Variants in OLA1 observed in about 807,000 individuals in gnomAD.
OLA1 encodes Obg like ATPase 1.
Under a neutral mutation model 48.4 loss-of-function variants are expected in OLA1, and 14 were observed. The ratio of observed to expected loss-of-function variants is 0.29; its 90% CI spans 0.19 to 0.45. OLA1 has a LOEUF of 0.45. Among genes scored for constraint, OLA1 ranks in the 20% least tolerant of loss-of-function variants. The pLI is 1.00. For missense variants in OLA1, 325 were observed against 467.1 expected (o/e 0.70, Z 2.80); for synonymous variants, 127 against 150.4 (o/e 0.84, Z 1.14).
chr2:174,166,328 A>T (rs1687164092), intron 4 of OLA1, among the ~76,000 whole-genome samples: 1 of 152,062 alleles, frequency 6.6e-6, no homozygotes, highest in African/African-American at 2.4e-5. Context: ...AGCCTCTGAG[A>T]AGCAGTTTCT....
chr2:174,240,456 G>A (rs984724899), intron 2 of OLA1: 2 of 151,934 alleles, frequency 1.3e-5, no homozygotes, highest in African/African-American at 4.8e-5. Flanking sequence ...GCACCACTGA[G>A]ACCAGCTCAA....
chr2:174,134,104 T>G (rs1408386105), intron 5 of OLA1, among the ~76,000 whole-genome samples: 3 of 152,244 alleles, frequency 2.0e-5, no homozygotes, highest in Non-Finnish European at 2.9e-5. Flanking sequence ...GTAGTATCAG[T>G]ACTTCATTCC....
chr2:174,188,552 T>C (rs1574538277), intron 4 of OLA1, among the ~76,000 whole-genome samples: 1 of 152,154 alleles, frequency 6.6e-6, no homozygotes, highest in African/African-American at 2.4e-5. Context: ...TCTTTTCACA[T>C]ATTAATGACA....
chr2:174,167,876 C>A (rs1350411726), intron 4 of OLA1, among the ~76,000 whole-genome samples: 1 of 152,130 alleles, frequency 6.6e-6, no homozygotes, highest in Non-Finnish European at 1.5e-5. Context: ...AAAATTCCAA[C>A]CAAGGGCTTT....
intron 7 of OLA1, among the ~76,000 whole-genome samples, chr2:174,110,037 A>G (rs990981323): frequency 1.3e-5 from 2 of 150,406 alleles, no homozygotes; most frequent in African/African-American, 4.9e-5. Flanking sequence ...GCTCCCGCTT[A>G]TAAGTGAGAA....
At chr2:174,197,352 C>A (rs1018705392) in intron 4 of OLA1, among the ~76,000 whole-genome samples, 1 of 35,612 alleles carries the variant, frequency 2.8e-5, no homozygotes, top group Admixed American at 2.7e-4. Flanking sequence ...ATTAGCATTC[C>A]CCCCTACTAC....
At chr2:174,146,716 G>C (rs72920559) in intron 4 of OLA1, among the ~76,000 whole-genome samples, 6 of 152,078 alleles carry the variant, frequency 3.9e-5, no homozygotes, top group South Asian at 2.1e-4. Flanking sequence ...CAAGAAGGAA[G>C]GTGTATTCAA....
intron 7 of OLA1, among the ~76,000 whole-genome samples, chr2:174,120,249 C>G (rs181675929): frequency 6.6e-6 from 1 of 152,058 alleles, no homozygotes. Context: ...TTTGACAGTT[C>G]TAATGTCCTG....
At chr2:174,122,330 A>G (rs1477404199) in intron 7 of OLA1, among the ~76,000 whole-genome samples, 1 of 152,168 alleles carries the variant, frequency 6.6e-6, no homozygotes, top group East Asian at 1.9e-4. Flanking sequence ...TTTATTTTTC[A>G]GTTTAAAGCC....
chr2:174,192,374 C>T (rs1298635861), intron 4 of OLA1, among the ~76,000 whole-genome samples: 1 of 152,112 alleles, frequency 6.6e-6, no homozygotes, highest in African/African-American at 2.4e-5. Context: ...CATGTCAGCC[C>T]TCAAAAAGTT....
At chr2:174,096,522 G>A (rs186561395) in intron 7 of OLA1, among the ~76,000 whole-genome samples, 26 of 152,242 alleles carry the variant, frequency 1.7e-4, no homozygotes, top group South Asian at 4.1e-4. Flanking sequence ...ATCATATGAC[G>A]TCTGACCTTC....
intron 4 of OLA1, among the ~76,000 whole-genome samples, chr2:174,168,349 A>C (rs1429307910): frequency 6.6e-6 from 1 of 151,866 alleles, no homozygotes; most frequent in Non-Finnish European, 1.5e-5. Context: ...TAAGAAATCG[A>C]GGTTGCAGTT....
At chr2:174,080,994 T>C (rs770171834) in intron 9 of OLA1, 158 bp downstream of exon 9, 3 of 624,004 alleles carry the variant, frequency 4.8e-6, no homozygotes, top group Non-Finnish European at 8.6e-6. Context: ...CCACTTTCAC[T>C]GTTCAGCAGC....
chr2:174,178,009 C>T (rs921878845), intron 4 of OLA1, among the ~76,000 whole-genome samples: 7 of 152,012 alleles, frequency 4.6e-5, no homozygotes, highest in African/African-American at 1.4e-4. Flanking sequence ...AACTAATTCT[C>T]TAGTGATTTC....
intron 4 of OLA1, among the ~76,000 whole-genome samples, chr2:174,164,834 G>A (rs1574521602): frequency 6.6e-6 from 1 of 152,274 alleles, no homozygotes; most frequent in African/African-American, 2.4e-5. Context: ...GATTGATTGG[G>A]CATGTGACTT....
chr2:174,149,785 C>T (rs1384338585), intron 4 of OLA1, among the ~76,000 whole-genome samples: 1 of 152,166 alleles, frequency 6.6e-6, no homozygotes, highest in Non-Finnish European at 1.5e-5. Flanking sequence ...TGCTCATTCA[C>T]TCAAGGCCTG....
At chr2:174,115,751 A>T (rs1685766393) in intron 7 of OLA1, among the ~76,000 whole-genome samples, 1 of 152,018 alleles carries the variant, frequency 6.6e-6, no homozygotes, top group African/African-American at 2.4e-5. Flanking sequence ...CTTTCCATGG[A>T]TTCTCTCATG....
chr2:174,122,993 C>A (rs1685951644), intron 7 of OLA1, among the ~76,000 whole-genome samples, 187 bp downstream of exon 7: 1 of 152,036 alleles, frequency 6.6e-6, no homozygotes, highest in East Asian at 1.9e-4. Flanking sequence ...CTTAAGTTCT[C>A]TAAGTCAATT....
chr2:174,158,616 TAC>T (rs1686943119), intron 4 of OLA1, among the ~76,000 whole-genome samples: 1 of 152,156 alleles, frequency 6.6e-6, no homozygotes, highest in Admixed American at 6.5e-5. Flanking sequence ...TCAAGGCTCT[TAC>T]TAAGGAGCCA....
Sources: gnomAD v4.1 joint callset for allele counts (sites outside exome capture counted in the v4.1 genomes callset) on GRCh38, gnomAD v4.1.1 for gene constraint, MANE v1.5 for transcripts, NCBI Gene and HGNC (gene_info 2026-07-23, HGNC 2026-07-21) for gene names.